Variants in BBS9 observed in about 807,000 individuals in gnomAD.
BBS9 encodes protein PTHB1.
Under a neutral mutation model 117.7 loss-of-function variants are expected in BBS9, and 89 were observed. That is an observed-to-expected ratio of 0.76 (90% CI 0.64 to 0.90). BBS9 has a LOEUF of 0.90. Ranked by LOEUF, BBS9 falls within the 40% of genes least tolerant of loss-of-function variation. The probability of loss-of-function intolerance (pLI) is 0.00; values close to 1 mark genes in which losing one functional copy is unlikely to be tolerated. For synonymous variants in BBS9, 379 were observed against 370.9 expected (o/e 1.02, Z -0.25); for missense variants, 982 against 1,042.2 (o/e 0.94, Z 0.80).
chr7:33,345,029 C>T (rs1247560391), intron 12 of BBS9, among the ~76,000 whole-genome samples: 1 of 152,112 alleles, frequency 6.6e-6, no homozygotes, highest in Non-Finnish European at 1.5e-5. Context: ...ATTGGAGAAG[C>T]ACGGGGATGG....
At chr7:33,272,441 AG>A (rs1799952652) in intron 7 of BBS9, among the ~76,000 whole-genome samples, 1 of 152,192 alleles carries the variant, frequency 6.6e-6, no homozygotes, top group African/African-American at 2.4e-5. Flanking sequence ...TTCCTGACTT[AG>A]AAATATTGTA....
At chr7:33,225,179 T>C (rs1393984142) in intron 5 of BBS9, among the ~76,000 whole-genome samples, 2 of 152,128 alleles carry the variant, frequency 1.3e-5, no homozygotes, top group African/African-American at 4.8e-5. Context: ...TTCAATTTAT[T>C]GATATTATTG....
intron 21 of BBS9, among the ~76,000 whole-genome samples, chr7:33,629,173 G>A (rs1248973599): frequency 2.0e-5 from 3 of 152,144 alleles, no homozygotes; most frequent in East Asian, 1.9e-4. Context: ...TGACCTCTAG[G>A]ACTTAGCACA....
chr7:33,584,931 G>T (rs1860627522), intron 21 of BBS9, among the ~76,000 whole-genome samples: 1 of 152,090 alleles, frequency 6.6e-6, no homozygotes, highest in Middle Eastern at 3.4e-3. Flanking sequence ...CTTTATATTT[G>T]TTGTAATTAA....
At chr7:33,360,666 A>G (rs1480872073) in intron 16 of BBS9, among the ~76,000 whole-genome samples, 1 of 151,890 alleles carries the variant, frequency 6.6e-6, no homozygotes, top group African/African-American at 2.4e-5. Flanking sequence ...GACTACAGGC[A>G]TATACCACCA....
chr7:33,619,331 C>G (rs1381829768), intron 21 of BBS9, among the ~76,000 whole-genome samples: 1 of 151,946 alleles, frequency 6.6e-6, no homozygotes, highest in Non-Finnish European at 1.5e-5. Flanking sequence ...TGTATTTGCC[C>G]AATGTTGGAA....
At chr7:33,598,538 G>A (rs1056543916) in intron 21 of BBS9, among the ~76,000 whole-genome samples, 2 of 152,142 alleles carry the variant, frequency 1.3e-5, no homozygotes, top group Middle Eastern at 6.3e-3. Context: ...TGGTTCATTA[G>A]TTGTAACACA....
At chr7:33,415,745 T>G (rs1236302699) in intron 19 of BBS9, among the ~76,000 whole-genome samples, 1 of 152,160 alleles carries the variant, frequency 6.6e-6, no homozygotes, top group Non-Finnish European at 1.5e-5. Flanking sequence ...TCTTTTGCCT[T>G]TAGGAACAGC....
chr7:33,537,969 G>T (rs1162089728), intron 21 of BBS9, among the ~76,000 whole-genome samples: 1 of 152,190 alleles, frequency 6.6e-6, no homozygotes, highest in Admixed American at 6.5e-5. Context: ...CTTTGCCTAA[G>T]AAATAATATA....
At chr7:33,345,833 T>C (rs1817494064) in intron 12 of BBS9, among the ~76,000 whole-genome samples, 2 of 152,198 alleles carry the variant, frequency 1.3e-5, no homozygotes, top group South Asian at 4.1e-4. Context: ...GAGTGCACTG[T>C]TAATTGCAAT....
At chr7:33,329,003 T>G (rs1813416635) in intron 9 of BBS9, among the ~76,000 whole-genome samples, 3 of 148,142 alleles carry the variant, frequency 2.0e-5, no homozygotes, top group Admixed American at 2.0e-4. Context: ...TTTTATTTAT[T>G]TATTTATTTA....
At chr7:33,485,616 G>A (rs1843008878) in intron 19 of BBS9, among the ~76,000 whole-genome samples, 2 of 151,850 alleles carry the variant, frequency 1.3e-5, no homozygotes, top group Non-Finnish European at 2.9e-5. Context: ...GCCAAAAGTT[G>A]TTTTAAAAAA....
chr7:33,569,544 A>G (rs1857435301), intron 21 of BBS9, among the ~76,000 whole-genome samples: 1 of 151,916 alleles, frequency 6.6e-6, no homozygotes, highest in Non-Finnish European at 1.5e-5. Context: ...TCACGAGGTC[A>G]GGAGATCGAG....
At chr7:33,533,237 T>C (rs1161777208) in intron 20 of BBS9, among the ~76,000 whole-genome samples, 1 of 152,228 alleles carries the variant, frequency 6.6e-6, no homozygotes, top group Non-Finnish European at 1.5e-5. Context: ...TGCCTTGTGC[T>C]GACGTTCCTG....
At chr7:33,449,324 C>T (rs149431760) in intron 19 of BBS9, among the ~76,000 whole-genome samples, 1 of 152,322 alleles carries the variant, frequency 6.6e-6, no homozygotes, top group East Asian at 1.9e-4. Flanking sequence ...ATAGACAATA[C>T]ATCACTAACA....
At chr7:33,375,012 A>G (rs564170793) in intron 17 of BBS9, among the ~76,000 whole-genome samples, 1 of 152,298 alleles carries the variant, frequency 6.6e-6, no homozygotes, top group East Asian at 1.9e-4. Context: ...AAATTTCCAA[A>G]TAGCATGAAT....
At chr7:33,453,477 G>C (rs924036208) in intron 19 of BBS9, among the ~76,000 whole-genome samples, 1 of 151,114 alleles carries the variant, frequency 6.6e-6, no homozygotes, top group Non-Finnish European at 1.5e-5. Flanking sequence ...CCTTTATGAT[G>C]ATCTACTTCC....
chr7:33,333,454 G>C (rs1351718138), intron 9 of BBS9, among the ~76,000 whole-genome samples: 1 of 152,092 alleles, frequency 6.6e-6, no homozygotes, highest in African/African-American at 2.4e-5. Flanking sequence ...CTCATTGGTT[G>C]ATGGGCACTT....
At chr7:33,164,253 A>G (rs1370867977) in intron 4 of BBS9, among the ~76,000 whole-genome samples, 4 of 152,208 alleles carry the variant, frequency 2.6e-5, no homozygotes, top group Admixed American at 2.6e-4. Context: ...ACTTCCAATC[A>G]TGTGGTCAAT....
Sources: allele counts gnomAD v4.1 joint callset (sites outside exome capture counted in the v4.1 genomes callset), GRCh38; gene constraint gnomAD v4.1.1; transcripts MANE v1.5; gene names NCBI Gene and HGNC (gene_info 2026-07-23, HGNC 2026-07-21).